The following COMMD10 variants were observed in gnomAD, a reference collection of about 807,000 sequenced individuals.
The protein encoded by COMMD10 is COMM domain containing 10, also known as COMM domain-containing protein 10.
A neutral mutation model predicts 28.9 loss-of-function variants in COMMD10; 33 were observed. That is an observed-to-expected ratio of 1.14 (90% CI 0.87 to 1.53). The LOEUF is 1.53. Ranked by LOEUF, COMMD10 falls within the 40% of genes most tolerant of loss-of-function variation. The probability of loss-of-function intolerance (pLI) is 0.00; values close to 1 mark genes in which losing one functional copy is unlikely to be tolerated. For synonymous variants in COMMD10, 110 were observed against 81.7 expected (o/e 1.35, Z -1.87); for missense variants, 310 against 233.4 (o/e 1.33, Z -2.14).
intron 3 of COMMD10, among the ~76,000 whole-genome samples, chr5:116,091,645 CCTTT>C (rs1750300742): frequency 1.3e-5 from 2 of 152,136 alleles, no homozygotes; most frequent in South Asian, 4.1e-4. Context: ...CCTTATACTT[CCTTT>C]ATTTGGATTT....
intron 5 of COMMD10, among the ~76,000 whole-genome samples, chr5:116,289,819 A>G (rs574421980): frequency 5.3e-5 from 8 of 151,808 alleles, no homozygotes; most frequent in East Asian, 3.9e-4. Flanking sequence ...TAGCATCTCA[A>G]CTGGTCTCTC....
chr5:116,250,981 G>GA (rs1200506458), intron 5 of COMMD10, among the ~76,000 whole-genome samples: 1 of 151,876 alleles, frequency 6.6e-6, no homozygotes, highest in African/African-American at 2.4e-5. Flanking sequence ...TGGGTTGGGG[G>GA]GTGCAGTTTT....
intron 5 of COMMD10, among the ~76,000 whole-genome samples, chr5:116,279,686 T>G (rs1751014765): frequency 6.6e-6 from 1 of 151,920 alleles, no homozygotes; most frequent in Non-Finnish European, 1.5e-5. Context: ...AACCTAGCTT[T>G]TTAACTTGGC....
intron 5 of COMMD10, among the ~76,000 whole-genome samples, chr5:116,224,444 G>A (rs964499325): frequency 6.6e-6 from 1 of 152,182 alleles, no homozygotes; most frequent in South Asian, 2.1e-4. Flanking sequence ...TCTGCAGACT[G>A]TACAGGAAGT....
intron 5 of COMMD10, among the ~76,000 whole-genome samples, chr5:116,212,628 G>C (rs1392292265): frequency 6.6e-6 from 1 of 151,718 alleles, no homozygotes; most frequent in East Asian, 1.9e-4. Flanking sequence ...CATGTAAGCT[G>C]TATACTATTT....
chr5:116,286,039 A>G (rs530475396), intron 5 of COMMD10, among the ~76,000 whole-genome samples: 1 of 151,862 alleles, frequency 6.6e-6, no homozygotes, highest in African/African-American at 2.4e-5. Flanking sequence ...CAATCTCTGT[A>G]TTCATTATTG....
intron 5 of COMMD10, among the ~76,000 whole-genome samples, chr5:116,172,322 G>A (rs1028456420): frequency 6.6e-6 from 1 of 152,052 alleles, no homozygotes; most frequent in Admixed American, 6.6e-5. Context: ...TAAATAGGAG[G>A]GAAGGAGTAC....
At chr5:116,160,443 C>A (rs1029876025) in intron 5 of COMMD10, among the ~76,000 whole-genome samples, 1 of 152,094 alleles carries the variant, frequency 6.6e-6, no homozygotes, top group African/African-American at 2.4e-5. Context: ...GTGAAGAAGA[C>A]AAGATGCTCT....
chr5:116,205,230 C>G (rs1272989524), intron 5 of COMMD10, among the ~76,000 whole-genome samples: 1 of 152,070 alleles, frequency 6.6e-6, no homozygotes, highest in Non-Finnish European at 1.5e-5. Flanking sequence ...CAAATGAAAG[C>G]AAACAGAATT....
chr5:116,213,752 C>T lies in COMMD10; in HGVS notation c.511-77765C>T, dbSNP rs540655561. Among the ~76,000 whole-genome samples the T allele has an allele frequency of 1.3e-4, 19 of 151,990 alleles. No individual in the cohort carries two copies. In the East Asian group the frequency reaches 3.3e-3, roughly 26 times the overall value. ...TTTTAATTTTCCAGAAAATTTGTGA[C>T]CTTTTCATAATACAGTGTTATTTCT... On this transcript the variant is annotated intron_variant, in intron 5 of 6. Coordinates refer to ENST00000274458, the MANE Select transcript of COMMD10 (RefSeq NM_016144.4).
chr5:116,230,522 A>C (rs1405382879), intron 5 of COMMD10, among the ~76,000 whole-genome samples: 1 of 152,042 alleles, frequency 6.6e-6, no homozygotes, highest in East Asian at 1.9e-4. Flanking sequence ...AAGGAAACAC[A>C]AATTTATGTT....
intron 5 of COMMD10, among the ~76,000 whole-genome samples, chr5:116,252,105 A>G (rs943475824): frequency 2.0e-5 from 3 of 148,700 alleles, no homozygotes; most frequent in African/African-American, 7.6e-5. Flanking sequence ...TTCTTTTGAG[A>G]AGTGTCTGTT....
intron 4 of COMMD10, among the ~76,000 whole-genome samples, chr5:116,114,553 C>T (rs1751165861): frequency 6.6e-6 from 1 of 152,086 alleles, no homozygotes; most frequent in Non-Finnish European, 1.5e-5. Context: ...GACTGTGGGA[C>T]CTCCAGAAGT....
intron 4 of COMMD10, among the ~76,000 whole-genome samples, chr5:116,127,222 T>G (rs1751685748): frequency 1.3e-5 from 2 of 152,012 alleles, no homozygotes; most frequent in Non-Finnish European, 2.9e-5. Context: ...AAAACCACAA[T>G]GAGATACCAC....
At chr5:116,164,652 C>G (rs1377577684) in intron 5 of COMMD10, among the ~76,000 whole-genome samples, 4 of 152,108 alleles carry the variant, frequency 2.6e-5, no homozygotes, top group African/African-American at 9.7e-5. Context: ...CCACATGTAT[C>G]TTTATTTCAA....
At chr5:116,237,840 T>C (rs1749713432) in intron 5 of COMMD10, among the ~76,000 whole-genome samples, 1 of 152,128 alleles carries the variant, frequency 6.6e-6, no homozygotes, top group African/African-American at 2.4e-5. Flanking sequence ...TGTACTAATA[T>C]CATCAACTCC....
intron 4 of COMMD10, among the ~76,000 whole-genome samples, chr5:116,106,108 TTG>T (rs1229987789): frequency 9.4e-5 from 14 of 148,376 alleles, no homozygotes; most frequent in Middle Eastern, 3.5e-3. Flanking sequence ...ATTTTTTTTT[TTG>T]TGTGGGCATT....
chr5:116,158,850 TG>T (rs1365906442), intron 5 of COMMD10, among the ~76,000 whole-genome samples: 3 of 128,482 alleles, frequency 2.3e-5, no homozygotes, highest in African/African-American at 4.3e-5. Context: ...TGCAAACAGT[TG>T]TTTTTTTTTT....
At chr5:116,213,944 A>G (rs2112636455) in intron 5 of COMMD10, among the ~76,000 whole-genome samples, 1 of 152,272 alleles carries the variant, frequency 6.6e-6, no homozygotes, top group East Asian at 1.9e-4. Context: ...GAATATTTTA[A>G]AACAACTTTG....
Sources: allele counts gnomAD v4.1 joint callset (sites outside exome capture counted in the v4.1 genomes callset), GRCh38; gene constraint gnomAD v4.1.1; transcripts MANE v1.5; gene names NCBI Gene and HGNC (gene_info 2026-07-23, HGNC 2026-07-21).